The following RBFOX1 variants were observed in gnomAD, a reference collection of about 807,000 sequenced individuals.
RBFOX1 encodes RNA binding protein fox-1 homolog 1.
In RBFOX1, 8 loss-of-function variants were observed where a neutral mutation model predicts 57.7. That is an observed-to-expected ratio of 0.14 (90% CI 0.08 to 0.25). RBFOX1 has a LOEUF of 0.25. Ranked by LOEUF, RBFOX1 falls within the 10% of genes least tolerant of loss-of-function variation. The pLI is 1.00. For missense variants in RBFOX1, 611 were observed against 548.5 expected, an observed-to-expected ratio of 1.11 and a Z score of -1.14; for synonymous variants, 326 against 222.4, an observed-to-expected ratio of 1.47 and a Z score of -4.15.
intron 1 of RBFOX1, among the ~76,000 whole-genome samples, chr16:6,216,386 A>G (rs1479848108): frequency 6.6e-6 from 1 of 152,202 alleles, no homozygotes; most frequent in Non-Finnish European, 1.5e-5. Context: ...AACAGGCATG[A>G]GACCATCACG....
At chr16:6,243,782 G>T (rs2097553033) in intron 1 of RBFOX1, among the ~76,000 whole-genome samples, 1 of 152,170 alleles carries the variant, frequency 6.6e-6, no homozygotes, top group Non-Finnish European at 1.5e-5. Context: ...GGTAGGAGTT[G>T]TGATGGTGGG....
At chr16:6,664,574 C>T (rs141724356) in intron 3 of RBFOX1, among the ~76,000 whole-genome samples, 1 of 152,104 alleles carries the variant, frequency 6.6e-6, no homozygotes, top group Non-Finnish European at 1.5e-5. Context: ...CAGGGCTGTG[C>T]GAGAGACAGC....
chr16:7,155,685 C>G lies in RBFOX1; in HGVS notation c.27+103587C>G, dbSNP rs141810835. On this transcript the variant is annotated intron_variant, in intron 4 of 15. Transcript: ENST00000550418. ...AGCTATCAGCCACTTGCCTTCCTCCCTTCTCCTCCCACCAAAAAAAAAAAA... is the reference window on the plus strand; with the variant it reads ...AGCTATCAGCCACTTGCCTTCCTCCGTTCTCCTCCCACCAAAAAAAAAAAA... Among the ~76,000 whole-genome samples, 27 of 128,278 alleles carry G rather than the reference C, an allele frequency of 2.1e-4. No homozygotes were observed. In the East Asian group the frequency reaches 5.5e-3, roughly 26 times the overall value. The allele number at this position is 128,278 out of a possible 152,430, so 84.2% of individuals were successfully genotyped here.
intron 2 of RBFOX1, among the ~76,000 whole-genome samples, chr16:6,551,067 C>T (rs1024230526): frequency 2.6e-5 from 4 of 152,134 alleles, no homozygotes; most frequent in Non-Finnish European, 4.4e-5. Flanking sequence ...AGGAATTTTG[C>T]CTCCTGGACC....
chr16:6,810,418 TC>T (rs976462702), intron 3 of RBFOX1, among the ~76,000 whole-genome samples: 16 of 152,236 alleles, frequency 1.1e-4, no homozygotes, highest in South Asian at 8.3e-4. Context: ...TGGTACTTTT[TC>T]CTGGGAGAAG....
intron 1 of RBFOX1, among the ~76,000 whole-genome samples, chr16:6,243,859 A>G (rs1428244015): frequency 6.6e-6 from 1 of 152,124 alleles, no homozygotes; most frequent in Non-Finnish European, 1.5e-5. Context: ...TCCAGAGGGG[A>G]GTATATCTGA....
chr16:6,588,129 G>C (rs2097656952), intron 2 of RBFOX1, among the ~76,000 whole-genome samples: 1 of 151,970 alleles, frequency 6.6e-6, no homozygotes, highest in South Asian at 2.1e-4. Flanking sequence ...TACTCGGGAG[G>C]CTGAGGCAGG....
intron 2 of RBFOX1, among the ~76,000 whole-genome samples, chr16:6,451,559 T>A (rs2094623878): frequency 6.6e-6 from 1 of 152,180 alleles, no homozygotes; most frequent in South Asian, 2.1e-4. Flanking sequence ...CTGATGTGTG[T>A]TTTGTAGGTA....
At chr16:5,257,851 T>TG (rs1047719375) in intron 1 of RBFOX1, among the ~76,000 whole-genome samples, 12 of 151,456 alleles carry the variant, frequency 7.9e-5, no homozygotes, top group African/African-American at 2.2e-4. Flanking sequence ...TTTTTTGGGG[T>TG]GGGGGGGAAA....
intron 4 of RBFOX1, among the ~76,000 whole-genome samples, chr16:7,344,522 A>C (rs536611815): frequency 6.6e-6 from 1 of 151,018 alleles, no homozygotes; most frequent in Non-Finnish European, 1.5e-5. Flanking sequence ...TGATTAGATG[A>C]CACATATCAT....
intron 4 of RBFOX1, among the ~76,000 whole-genome samples, chr16:7,293,367 G>T (rs2095831259): frequency 6.6e-6 from 1 of 152,138 alleles, no homozygotes; most frequent in Non-Finnish European, 1.5e-5. Flanking sequence ...GTCCTTGGAA[G>T]GTCCTAGAAC....
chr16:6,000,022 T>A (rs938271708), intron 4 of RBFOX1, among the ~76,000 whole-genome samples: 1 of 151,806 alleles, frequency 6.6e-6, no homozygotes, highest in East Asian at 1.9e-4. Flanking sequence ...TTATAGGGGA[T>A]GTTTTTTAGG....
chr16:6,626,028 C>T (rs531316642), intron 2 of RBFOX1, among the ~76,000 whole-genome samples: 8 of 152,146 alleles, frequency 5.3e-5, no homozygotes, highest in African/African-American at 1.9e-4. Context: ...AATAAAGAAA[C>T]AGCTTCACCT....
At chr16:7,249,240 C>T (rs570603299) in intron 4 of RBFOX1, among the ~76,000 whole-genome samples, 1 of 152,142 alleles carries the variant, frequency 6.6e-6, no homozygotes, top group Non-Finnish European at 1.5e-5. Flanking sequence ...TTCCATTCCC[C>T]TCTTTTTTCC....
chr16:6,714,679 G>T (rs2064413235), intron 3 of RBFOX1, among the ~76,000 whole-genome samples: 1 of 152,158 alleles, frequency 6.6e-6, no homozygotes, highest in African/African-American at 2.4e-5. Flanking sequence ...TCATAAAGGT[G>T]TAGGTAAATT....
chr16:5,400,465 G>A (rs489497), intron 1 of RBFOX1, among the ~76,000 whole-genome samples: 5 of 151,960 alleles, frequency 3.3e-5, no homozygotes, highest in Non-Finnish European at 7.4e-5. Context: ...CTAGTTTTAT[G>A]TATGCATATA....
intron 3 of RBFOX1, chr16:5,610,684 C>A (rs7205079): frequency 6.6e-6 from 1 of 151,864 alleles, no homozygotes; most frequent in South Asian, 2.1e-4. Flanking sequence ...TCTATAAAAT[C>A]AGAAAATTAA....
chr16:6,472,946 C>G lies in RBFOX1; in HGVS notation c.-64+155889C>G, dbSNP rs76922913. On this transcript the variant is annotated intron_variant, in intron 2 of 15. Transcript: ENST00000550418. ...GGCCCAGTTTCTTATTTAGGACCCT[C>G]AAGGAAGAATTGTTGTAAGGAAGAT... Among the ~76,000 whole-genome samples the G allele has an allele frequency of 7.8e-4, 119 of 152,140 alleles. 2 individuals are homozygous for G. In the East Asian group the frequency reaches 0.021, roughly 27 times the overall value.
chr16:6,769,884 A>T (rs2078010064), intron 3 of RBFOX1, among the ~76,000 whole-genome samples: 1 of 152,226 alleles, frequency 6.6e-6, no homozygotes, highest in Non-Finnish European at 1.5e-5. Flanking sequence ...GCGATTTGAA[A>T]TCAAAGTTCA....
Sources: allele counts gnomAD v4.1 joint callset (sites outside exome capture counted in the v4.1 genomes callset), GRCh38; gene constraint gnomAD v4.1.1; transcripts MANE v1.5; gene names NCBI Gene and HGNC (gene_info 2026-07-23, HGNC 2026-07-21).